The following ZNF131 variants were observed in gnomAD, a reference collection of about 807,000 sequenced individuals.
ZNF131 encodes the protein zinc finger protein 131.
ZNF131 carries 7 observed loss-of-function variants against 60.0 expected under a neutral mutation model. That is an observed-to-expected ratio of 0.12 (90% CI 0.07 to 0.22). ZNF131 has a LOEUF of 0.22. Among genes scored for constraint, ZNF131 ranks in the 10% least tolerant of loss-of-function variants. The pLI is 1.00. For synonymous variants in ZNF131, 257 were observed against 253.2 expected, an observed-to-expected ratio of 1.01 and a Z score of -0.14; for missense variants, 493 against 740.9, an observed-to-expected ratio of 0.67 and a Z score of 3.88.
intron 5 of ZNF131, chr5:43,168,061 C>T (rs910455137): frequency 2.5e-6 from 1 of 404,898 alleles, no homozygotes; most frequent in African/African-American, 2.1e-5. Context: ...GCTCAGGTTT[C>T]TCTTACTCTT....
rs59888761 is a variant in ZNF131, at chr5:43,175,719, TAAA to T, written c.*599_*601del. ...GGTGGTGGCAAAATTTCTAGAATGTTAAAAAAAAAAAAAAATCCACACCCATGT... is the reference window on the plus strand; with the variant it reads ...GGTGGTGGCAAAATTTCTAGAATGTTAAAAAAAAAAAATCCACACCCATGT... On this transcript the variant is annotated 3_prime_UTR_variant, in exon 7 of 7. Coordinates refer to ENST00000682664, the MANE Select transcript of ZNF131 (RefSeq NM_001330707.2). 5.8e-5 allele frequency: 13 copies of T among 226,020 alleles called. No homozygotes were observed. The highest frequency in any genetic ancestry group is 7.7e-5 in the South Asian group (1 of 12,940). 14.0% of individuals were successfully genotyped at this position (226,020 alleles called of 1,614,324 possible). A position where few individuals can be genotyped will look rare whatever the true frequency, so the allele number is the denominator to read the frequency against.
At chr5:43,139,471 C>G (rs1220948336) in intron 4 of ZNF131, among the ~76,000 whole-genome samples, 162 bp downstream of exon 4, 2 of 152,154 alleles carry the variant, frequency 1.3e-5, no homozygotes, top group African/African-American at 4.8e-5. Context: ...ACTGATTGTT[C>G]TTTCACTTGA....
chr5:43,170,857 G>A (rs981827376), intron 5 of ZNF131, among the ~76,000 whole-genome samples: 16 of 146,840 alleles, frequency 1.1e-4, no homozygotes, highest in East Asian at 2.0e-4. Flanking sequence ...GGCTGATCTC[G>A]AACTCCTGAC....
At chr5:43,169,750 A>G (rs1750755493) in intron 5 of ZNF131, among the ~76,000 whole-genome samples, 1 of 150,826 alleles carries the variant, frequency 6.6e-6, no homozygotes, top group African/African-American at 2.4e-5. Flanking sequence ...AAGTAATTTC[A>G]TTTTTAAGAG....
At chr5:43,170,023 C>T (rs537019227) in intron 5 of ZNF131, among the ~76,000 whole-genome samples, 1 of 152,216 alleles carries the variant, frequency 6.6e-6, no homozygotes, top group Admixed American at 6.5e-5. Context: ...AACTCCTGAC[C>T]TTGTGATCTG....
intron 3 of ZNF131, chr5:43,124,129 T>G (rs1160312465): frequency 6.6e-6 from 1 of 152,158 alleles, no homozygotes; most frequent in Non-Finnish European, 1.5e-5. Context: ...GGAAGTGGTG[T>G]TATTTGTAAT....
chr5:43,174,897 G>A lies in ZNF131; in HGVS notation c.1636G>A (p.Glu546Lys). 1 of 1,614,152 alleles carries A rather than the reference G, an allele frequency of 6.2e-7. No homozygotes were observed. The highest frequency in any genetic ancestry group is 8.5e-7 in the Non-Finnish European group (1 of 1,180,046). The change falls in exon 7 of 7, where the codon GAA becomes AAA. Residue 546 changes from glutamate to lysine, a missense_variant. Physicochemically the swap from Glu to Lys is moderately conservative, Grantham distance 56. Transcript: ENST00000682664. ...TEVHVEELHV[E>K]RVNQMPVEVQ... ...AGTACATGTAGAGGAGCTGCATGTT[G>A]AACGGGTCAATCAAATGCCAGTGGA...
intron 4 of ZNF131, among the ~76,000 whole-genome samples, chr5:43,145,208 G>A (rs981108825): frequency 6.6e-6 from 1 of 152,088 alleles, no homozygotes; most frequent in African/African-American, 2.4e-5. Flanking sequence ...TTGCTGTTCA[G>A]TTGTGAATAC....
intron 3 of ZNF131, among the ~76,000 whole-genome samples, chr5:43,126,034 C>T (rs1744507170): frequency 6.6e-6 from 1 of 152,204 alleles, no homozygotes; most frequent in South Asian, 2.1e-4. Flanking sequence ...GTATCTTAAG[C>T]CCTTAACTTT....
intron 3 of ZNF131, among the ~76,000 whole-genome samples, chr5:43,134,693 C>CTT (rs149464238): frequency 0.15 from 13,601 of 88,266 alleles, 682 homozygotes; most frequent in African/African-American, 0.2. Flanking sequence ...TTCTTTTTTT[C>CTT]TTTTTTTTTT....
intron 4 of ZNF131, among the ~76,000 whole-genome samples, chr5:43,146,823 T>G (rs1747643304): frequency 6.6e-6 from 1 of 151,406 alleles, no homozygotes; most frequent in Admixed American, 6.6e-5. Context: ...GGAGAATTGC[T>G]TGAACCCTGG....
At chr5:43,127,196 C>T (rs1285219288) in intron 3 of ZNF131, among the ~76,000 whole-genome samples, 8 of 152,076 alleles carry the variant, frequency 5.3e-5, no homozygotes, top group South Asian at 2.1e-4. Flanking sequence ...GTCCCCCACT[C>T]GTAAAATATA....
chr5:43,150,367 A>G (rs1490113945), intron 4 of ZNF131, among the ~76,000 whole-genome samples: 2 of 152,238 alleles, frequency 1.3e-5, no homozygotes, highest in East Asian at 3.8e-4. Context: ...TAAGACATGC[A>G]GAAACATTAT....
intron 3 of ZNF131, among the ~76,000 whole-genome samples, chr5:43,131,970 TC>T (rs1272311820): frequency 6.6e-6 from 1 of 151,942 alleles, no homozygotes; most frequent in African/African-American, 2.4e-5. Flanking sequence ...GACTTAGGAG[TC>T]AGACCATCTG....
At chr5:43,167,499 C>T (rs968261693) in intron 5 of ZNF131, among the ~76,000 whole-genome samples, 18 of 152,252 alleles carry the variant, frequency 1.2e-4, no homozygotes, top group African/African-American at 3.9e-4. Flanking sequence ...ATTCTCAAAA[C>T]GTATATACCC....
Position 43,131,883 on chromosome 5 carries a change from C to T in ZNF131, c.227-7282C>T, listed in dbSNP as rs1264169631. On this transcript the variant is annotated intron_variant, in intron 3 of 6. Transcript: ENST00000682664. Reference sequence around the variant, plus strand: ...ACCTATAGTGAATGAGAACATGTATCTTCAAACTTTTCCAAGCAGGAAGGA... The same window carrying T: ...ACCTATAGTGAATGAGAACATGTATTTTCAAACTTTTCCAAGCAGGAAGGA... Among the ~76,000 whole-genome samples, 5 of 151,246 alleles carry T rather than the reference C, an allele frequency of 3.3e-5. No individual in the cohort carries two copies. In the South Asian group the frequency reaches 1.0e-3, roughly 32 times the overall value.
intron 3 of ZNF131, among the ~76,000 whole-genome samples, chr5:43,128,656 C>CAAAAAAA (rs1170687481): frequency 2.7e-3 from 191 of 70,070 alleles, no homozygotes; most frequent in Non-Finnish European, 4.2e-3. Flanking sequence ...GACTCCATCT[C>CAAAAAAA]AAAAAAAAAA....
chr5:43,130,264 C>CAAA lies in ZNF131; in HGVS notation c.226+6970_226+6972dup, dbSNP rs570313526. On this transcript the variant is annotated intron_variant, in intron 3 of 6. Transcript: ENST00000682664. ...GAGCGATAGAGTAAGACTCTGTCTC[C>CAAA]AAAAAAAAAAAAAAAAAAGAGGAAA... Among the ~76,000 whole-genome samples, 57 of 68,390 alleles carry CAAA rather than the reference C, an allele frequency of 8.3e-4. 1 individual carries two copies. Among genetic ancestry groups the CAAA allele is most frequent in the African/African-American group, 2.6e-3 (44 of 17,018 alleles). The allele number at this position is 68,390 out of a possible 152,430, so 44.9% of individuals were successfully genotyped here.
chr5:43,173,522 CAG>C lies in ZNF131; in HGVS notation c.1185+77_1185+78del, dbSNP rs1039311226. 133 of 1,534,088 alleles carry C rather than the reference CAG, an allele frequency of 8.7e-5. No homozygotes were observed. In the Admixed American group the frequency reaches 1.2e-3, roughly 13 times the overall value. On this transcript the variant is annotated intron_variant, in intron 6 of 6. Coordinates refer to ENST00000682664, the MANE Select transcript of ZNF131 (RefSeq NM_001330707.2). Reference sequence around the variant, plus strand: ...TGCAGTCATCAAAAGCAAAGGGAAACAGAGTCTCAAGCAAAGGTATAGGGGCT... The same window carrying C: ...TGCAGTCATCAAAAGCAAAGGGAAACAGTCTCAAGCAAAGGTATAGGGGCT...
Sources: gnomAD v4.1 joint callset for allele counts (sites outside exome capture counted in the v4.1 genomes callset) on GRCh38, gnomAD v4.1.1 for gene constraint, MANE v1.5 for transcripts, NCBI Gene and HGNC (gene_info 2026-07-23, HGNC 2026-07-21) for gene names.